The following DOCK7 variants were observed in gnomAD, a reference collection of about 807,000 sequenced individuals.
The protein encoded by DOCK7 is dedicator of cytokinesis protein 7.
DOCK7 carries 138 observed loss-of-function variants against 271.0 expected under a neutral mutation model. That is an observed-to-expected ratio of 0.51 (90% CI 0.44 to 0.59). The LOEUF is 0.59. DOCK7 is among the 20% of genes least tolerant of loss of function. DOCK7 has a pLI of 0.00. For synonymous variants in DOCK7, 823 were observed against 876.1 expected (o/e 0.94, Z 1.07); for missense variants, 2,066 against 2,592.4 (o/e 0.80, Z 4.41).
chr1:62,555,962 G>A lies in DOCK7; in HGVS notation c.2459C>T (p.Ala820Val), dbSNP rs1430339937. ...AAGTCGATTTATAATTGATGCCATG[G>A]CTTCAAAAGATGCTTGACCTAGGTT... ...IVNLGQASFEAMASIINRLHK... is the reference protein window; with the variant it reads ...IVNLGQASFEVMASIINRLHK... The change falls in exon 21 of 50, where the codon GCC (alanine) becomes GTC (valine). Residue 820 changes from alanine (A) to valine (V), a missense_variant. Coordinates refer to ENST00000635253, the MANE Select transcript of DOCK7 (RefSeq NM_001367561.1). 6.2e-7 allele frequency: 1 copy of A among 1,613,708 alleles called. No homozygotes were observed. Among genetic ancestry groups the A allele is most frequent in the African/African-American group, 1.3e-5 (1 of 75,020 alleles).
intron 12 of DOCK7, among the ~76,000 whole-genome samples, chr1:62,621,748 T>C (rs1467741944): frequency 5.3e-5 from 8 of 152,232 alleles, no homozygotes; most frequent in Non-Finnish European, 8.8e-5. Flanking sequence ...TAACTAATTA[T>C]TGTAAATGTT....
At chr1:62,676,735 T>C (rs968724231) in intron 1 of DOCK7, among the ~76,000 whole-genome samples, 5 of 152,124 alleles carry the variant, frequency 3.3e-5, no homozygotes, top group Non-Finnish European at 7.4e-5. Context: ...TATTAAATGG[T>C]TGATATGAAT....
intron 43 of DOCK7, chr1:62,486,734 A>G (rs2149280940): frequency 6.6e-6 from 1 of 152,226 alleles, no homozygotes; most frequent in South Asian, 2.1e-4. Flanking sequence ...CCCTTTCCCC[A>G]ACAAAAATTA....
chr1:62,546,278 A>G (rs1042351820), intron 22 of DOCK7, among the ~76,000 whole-genome samples: 3 of 152,160 alleles, frequency 2.0e-5, no homozygotes, highest in African/African-American at 7.2e-5. Flanking sequence ...ATACTTCAAG[A>G]GAAAATTTTA....
At chr1:62,555,775 T>C in intron 21 of DOCK7, 50 bp downstream of exon 21, 1 of 1,569,160 alleles carries the variant, frequency 6.4e-7, no homozygotes, top group Non-Finnish European at 8.6e-7. Flanking sequence ...AATACTGACA[T>C]GAACATATAA....
At chr1:62,624,520 A>G (rs1195585916) in intron 12 of DOCK7, among the ~76,000 whole-genome samples, 1 of 152,228 alleles carries the variant, frequency 6.6e-6, no homozygotes, top group East Asian at 1.9e-4. Flanking sequence ...ATTTTAGCAC[A>G]AAATGCACTC....
intron 31 of DOCK7, among the ~76,000 whole-genome samples, chr1:62,525,191 T>C (rs945433970): frequency 6.6e-5 from 10 of 151,572 alleles, no homozygotes; most frequent in Admixed American, 2.0e-4. Context: ...TATTTTTTAG[T>C]AGAGATCAGG....
chr1:62,551,939 T>C (rs1000458807), intron 22 of DOCK7, among the ~76,000 whole-genome samples: 2 of 151,834 alleles, frequency 1.3e-5, no homozygotes, highest in Non-Finnish European at 1.5e-5. Flanking sequence ...AAGAAATAAA[T>C]AGAATTATGC....
chr1:62,556,227 G>T (rs1646137245), intron 20 of DOCK7, among the ~76,000 whole-genome samples: 1 of 151,730 alleles, frequency 6.6e-6, no homozygotes, highest in Admixed American at 6.6e-5. Context: ...AAATTATATG[G>T]GTTTGATTAG....
In DOCK7 at chr1:62,620,878, C is replaced by T. The variant is rs529797623; in HGVS notation, c.1426-885G>A. Among the ~76,000 whole-genome samples, 386 of 116,788 alleles carry T rather than the reference C, an allele frequency of 3.3e-3. 2 individuals are homozygous for T. Among genetic ancestry groups the T allele is most frequent in the Non-Finnish European group, 5.0e-3 (292 of 58,490 alleles). 76.6% of individuals were successfully genotyped at this position (116,788 alleles called of 152,430 possible). ...CAGCCTGGATGACAGAAAAAGACTC[C>T]GTCTCAAAAAAAAAAAAAAAAAAAA... On this transcript the variant is annotated intron_variant, in intron 12 of 49. Transcript: ENST00000635253.
intron 14 of DOCK7, among the ~76,000 whole-genome samples, chr1:62,596,352 C>T (rs1649246000): frequency 6.6e-6 from 1 of 152,138 alleles, no homozygotes; most frequent in African/African-American, 2.4e-5. Context: ...TTAACAATTT[C>T]ACCATATTAA....
intron 14 of DOCK7, among the ~76,000 whole-genome samples, chr1:62,599,342 G>A (rs920319953): frequency 4.6e-5 from 7 of 151,984 alleles, no homozygotes; most frequent in African/African-American, 9.6e-5. Flanking sequence ...TAACTGGAAC[G>A]CTCTTCTGCC....
intron 11 of DOCK7, among the ~76,000 whole-genome samples, chr1:62,626,006 C>T (rs927726255): frequency 3.9e-5 from 6 of 152,162 alleles, no homozygotes; most frequent in African/African-American, 1.4e-4. Context: ...AAACAACATA[C>T]AATACATTCA....
At chr1:62,547,120 G>T in intron 22 of DOCK7, among the ~76,000 whole-genome samples, 1 of 151,852 alleles carries the variant, frequency 6.6e-6, no homozygotes, top group East Asian at 1.9e-4. Flanking sequence ...GCTAATATGA[G>T]AATAAAAAAA....
chr1:62,498,134 C>T (rs1034701922), intron 37 of DOCK7, among the ~76,000 whole-genome samples: 1 of 151,694 alleles, frequency 6.6e-6, no homozygotes, highest in African/African-American at 2.4e-5. Context: ...GTCCCAGCTA[C>T]TTGGGAGGCT....
chr1:62,574,442 A>C (rs970151573), intron 18 of DOCK7, among the ~76,000 whole-genome samples: 7 of 152,180 alleles, frequency 4.6e-5, no homozygotes, highest in Admixed American at 2.6e-4. Context: ...GAAAAAAAAA[A>C]GTGAGGGGTA....
chr1:62,684,595 G>C (rs977034877), intron 1 of DOCK7, among the ~76,000 whole-genome samples: 2 of 152,136 alleles, frequency 1.3e-5, no homozygotes, highest in African/African-American at 2.4e-5. Context: ...GCAGTAAAAA[G>C]TGCTTTAAGT....
intron 37 of DOCK7, among the ~76,000 whole-genome samples, chr1:62,503,259 T>C (rs1646838218): frequency 6.6e-6 from 1 of 151,920 alleles, no homozygotes; most frequent in East Asian, 1.9e-4. Flanking sequence ...ATTTATCTAG[T>C]ATATGTTTAA....
chr1:62,672,296 G>A (rs1660103186), intron 1 of DOCK7, among the ~76,000 whole-genome samples: 1 of 151,902 alleles, frequency 6.6e-6, no homozygotes, highest in Non-Finnish European at 1.5e-5. Flanking sequence ...TTTCCATATT[G>A]GCACATAAAA....
Sources: gnomAD v4.1 joint callset for allele counts (sites outside exome capture counted in the v4.1 genomes callset) on GRCh38, gnomAD v4.1.1 for gene constraint, MANE v1.5 for transcripts, NCBI Gene and HGNC (gene_info 2026-07-23, HGNC 2026-07-21) for gene names.